The following PWP1 variants were observed in gnomAD, a reference collection of about 807,000 sequenced individuals.
PWP1 encodes the protein PWP1 homolog, endonuclein.
In PWP1, 47 loss-of-function variants were observed where a neutral mutation model predicts 69.9. The ratio of observed to expected loss-of-function variants is 0.67; its 90% CI spans 0.53 to 0.86. PWP1 has a LOEUF of 0.86. PWP1 is among the 40% of genes least tolerant of loss of function. The probability of loss-of-function intolerance (pLI) is 0.00; values close to 1 mark genes in which losing one functional copy is unlikely to be tolerated. For synonymous variants in PWP1, 222 were observed against 208.2 expected (o/e 1.07, Z -0.57); for missense variants, 551 against 608.8 (o/e 0.91, Z 1.00).
intron 13 of PWP1, 39 bp from the exon 14 acceptor site, chr12:107,710,366 G>C: frequency 6.2e-7 from 1 of 1,608,772 alleles, no homozygotes. Context: ...AGCGCTTTCT[G>C]AAGAGATTGA....
intron 4 of PWP1, 26 bp downstream of exon 4, chr12:107,692,925 T>C: frequency 6.2e-7 from 1 of 1,613,154 alleles, no homozygotes; most frequent in East Asian, 2.2e-5. Context: ...TTTTTTCTAA[T>C]TATGCTCTTA....
intron 10 of PWP1, 67 bp downstream of exon 10, chr12:107,703,813 C>T: frequency 7.0e-7 from 1 of 1,430,468 alleles, no homozygotes; most frequent in Non-Finnish European, 9.8e-7. Flanking sequence ...TTAAGAGTAT[C>T]ACTTGGTACC....
chr12:107,688,186 C>CA (rs1889410296), intron 1 of PWP1, among the ~76,000 whole-genome samples: 1 of 151,990 alleles, frequency 6.6e-6, no homozygotes, highest in Non-Finnish European at 1.5e-5. Flanking sequence ...GCCACTTTAC[C>CA]AAAACCAGTC....
Position 107,686,036 on chromosome 12 carries a change from T to TG in PWP1, c.72+70dup, listed in dbSNP as rs1889356556. ...TTACGGCACTGGGGGTCCGCCCAGC[T>TG]GGGGGAACGTGGACCCGGAACTCGG... On this transcript the variant is annotated intron_variant, in intron 1 of 14. Transcript: ENST00000412830. 7.1e-6 allele frequency: 11 copies of TG among 1,553,096 alleles called. No homozygotes were observed. In the East Asian group the frequency reaches 1.8e-4, roughly 26 times the overall value.
intron 6 of PWP1, 47 bp from the exon 7 acceptor site, chr12:107,697,420 G>GT: frequency 6.6e-7 from 1 of 1,523,162 alleles, no homozygotes; most frequent in South Asian, 1.3e-5. Flanking sequence ...TAGAAGTTCT[G>GT]TATGTCTTTT....
At chr12:107,692,522 G>C (rs1280090861) in intron 3 of PWP1, among the ~76,000 whole-genome samples, 1 of 152,184 alleles carries the variant, frequency 6.6e-6, no homozygotes, top group Non-Finnish European at 1.5e-5. Context: ...GCTAGCTAGA[G>C]AATCTCAAGA....
At chr12:107,696,618 CCA>C in intron 6 of PWP1, 34 bp downstream of exon 6, 1 of 1,611,986 alleles carries the variant, frequency 6.2e-7, no homozygotes, top group South Asian at 1.1e-5. Context: ...TCAATGATTT[CCA>C]GTCTTATGTA....
In PWP1 at chr12:107,694,195, T is replaced by A. The variant is rs76341373; in HGVS notation, c.502+1099T>A. On this transcript the variant is annotated intron_variant, in intron 5 of 14. Transcript: ENST00000412830. Reference sequence around the variant, plus strand: ...TGCACAATGTCTGGCGCACTCTGCCTACAGATTCTCCGTTTTGTTTTTCTT... The same window carrying A: ...TGCACAATGTCTGGCGCACTCTGCCAACAGATTCTCCGTTTTGTTTTTCTT... Among the ~76,000 whole-genome samples the A allele has an allele frequency of 3.3e-5, 5 of 152,350 alleles. No individual in the cohort carries two copies. The East Asian group carries it at 9.6e-4, about 29-fold the overall frequency.
At position 107,712,318 on chromosome 12, in the gene PWP1, AAC is replaced by A. The variant is rs1889971738; in HGVS notation, c.*102_*103del. 2.4e-6 allele frequency: 2 copies of A among 826,452 alleles called. No individual in the cohort carries two copies. Among genetic ancestry groups the A allele is most frequent in the Admixed American group, 2.1e-5 (1 of 47,804 alleles). 51.2% of individuals were successfully genotyped at this position (826,452 alleles called of 1,614,324 possible). A position where few individuals can be genotyped will look rare whatever the true frequency, so the allele number is the denominator to read the frequency against. Reference sequence around the variant, plus strand: ...GGCAGCAACCATGCAGAGTGACTGAAACACAATTCATTTCTGACTGACATTCC... The same window carrying A: ...GGCAGCAACCATGCAGAGTGACTGAAACAATTCATTTCTGACTGACATTCC... On this transcript the variant is annotated 3_prime_UTR_variant, in exon 15 of 15. Coordinates refer to ENST00000412830, the MANE Select transcript of PWP1 (RefSeq NM_007062.3).
chr12:107,693,152 G>GGCT, intron 5 of PWP1, 56 bp downstream of exon 5: 1 of 1,547,504 alleles, frequency 6.5e-7, no homozygotes, highest in Non-Finnish European at 8.7e-7. Flanking sequence ...AATAATAAGT[G>GGCT]AAATAGTTAC....
chr12:107,693,275 G>A (rs1357106662), intron 5 of PWP1, among the ~76,000 whole-genome samples, 179 bp downstream of exon 5: 1 of 152,114 alleles, frequency 6.6e-6, no homozygotes, highest in Non-Finnish European at 1.5e-5. Context: ...GTGTAGTCCA[G>A]TACATCACTT....
At chr12:107,705,444 A>G (rs1003204468) in intron 11 of PWP1, among the ~76,000 whole-genome samples, 1 of 151,350 alleles carries the variant, frequency 6.6e-6, no homozygotes, top group Non-Finnish European at 1.5e-5. Context: ...ATATGTATAC[A>G]TGTGCGATGT....
At chr12:107,704,386 A>G (rs1417285726) in intron 10 of PWP1, among the ~76,000 whole-genome samples, 1 of 152,182 alleles carries the variant, frequency 6.6e-6, no homozygotes, top group Non-Finnish European at 1.5e-5. Context: ...TCTTCTTGCG[A>G]GTGGAAGATT....
intron 14 of PWP1, among the ~76,000 whole-genome samples, chr12:107,711,514 T>G (rs1052335329): frequency 5.3e-5 from 8 of 152,176 alleles, no homozygotes; most frequent in African/African-American, 1.9e-4. Flanking sequence ...GTTACCAGTG[T>G]GAATAAATCC....
Position 107,688,800 on chromosome 12 carries a change from C to T in PWP1, c.317C>T (p.Pro106Leu). The T allele has an allele frequency of 6.2e-7, 1 of 1,612,974 alleles. No individual in the cohort carries two copies. The highest frequency in any genetic ancestry group is 8.5e-7 in the Non-Finnish European group (1 of 1,179,430). Residue 106 changes from proline (P) to leucine (L), a missense_variant and splice_region_variant, in exon 3 of 15, where the codon CCA (proline) becomes CTA (leucine). Pro to Leu is a moderately conservative substitution (Grantham distance 98, BLOSUM62 -3). Transcript: ENST00000412830. ...DLDKYDEEGD[P>L]DAETLGESLL... ...GATAAATATGATGAGGAAGGTGACC[C>T]AGGTTAGTTTATCCACTTCTGATGG...
At chr12:107,691,793 G>A (rs3825256) in intron 3 of PWP1, among the ~76,000 whole-genome samples, 1 of 151,706 alleles carries the variant, frequency 6.6e-6, no homozygotes, top group South Asian at 2.1e-4. Flanking sequence ...TCATTCCTCC[G>A]TTTTCCTCAT....
intron 3 of PWP1, among the ~76,000 whole-genome samples, chr12:107,689,016 T>G (rs888601171): frequency 2.0e-5 from 3 of 152,106 alleles, no homozygotes; most frequent in African/African-American, 7.2e-5. Context: ...AAAAAAAAAG[T>G]ACTGTGTATT....
intron 11 of PWP1, among the ~76,000 whole-genome samples, chr12:107,706,076 T>C (rs1889818221): frequency 1.3e-5 from 2 of 152,242 alleles, no homozygotes; most frequent in South Asian, 4.1e-4. Context: ...CCTGACTTTT[T>C]AATGATCGCC....
At chr12:107,706,449 T>A (rs1322108369) in intron 11 of PWP1, among the ~76,000 whole-genome samples, 1 of 152,240 alleles carries the variant, frequency 6.6e-6, no homozygotes, top group African/African-American at 2.4e-5. Context: ...TTTTGGTGTT[T>A]TAGACATGAA....
Sources: gnomAD v4.1 joint callset for allele counts (sites outside exome capture counted in the v4.1 genomes callset) on GRCh38, gnomAD v4.1.1 for gene constraint, MANE v1.5 for transcripts, NCBI Gene and HGNC (gene_info 2026-07-23, HGNC 2026-07-21) for gene names.